Variants in C21orf91 observed in about 807,000 individuals in gnomAD.
C21orf91 encodes chromosome 21 open reading frame 91.
In C21orf91, 26 loss-of-function variants were observed where a neutral mutation model predicts 32.9. The ratio of observed to expected loss-of-function variants is 0.79; its 90% confidence interval spans 0.58 to 1.10. The LOEUF (loss-of-function observed/expected upper bound fraction) is 1.10. Among genes scored for constraint, C21orf91 ranks in the 50% least tolerant of loss-of-function variants. The pLI, the probability that C21orf91 is intolerant of heterozygous loss-of-function variation, is 0.00. For missense variants in C21orf91, 310 were observed against 341.3 expected, an observed-to-expected ratio of 0.91 and a Z score of 0.72; for synonymous variants, 126 against 120.4, an observed-to-expected ratio of 1.05 and a Z score of -0.31.
At chr21:17,801,412 A>G (rs1228597390) in intron 2 of C21orf91, among the ~76,000 whole-genome samples, 4 of 151,944 alleles carry the variant, frequency 2.6e-5, no homozygotes, top group Non-Finnish European at 4.4e-5. Context: ...CTGGGACTAC[A>G]GGTGCCCGCC....
chr21:17,815,571 T>TC (rs150818788), intron 2 of C21orf91, among the ~76,000 whole-genome samples: 4,528 of 152,222 alleles, frequency 0.03, 219 homozygotes, highest in African/African-American at 0.1. Context: ...ATGACTTTTT[T>TC]CCCCCACTGA....
At chr21:17,797,185 T>C in intron 2 of C21orf91, 67 bp from the exon 3 acceptor site, 3 of 1,005,144 alleles carry the variant, frequency 3.0e-6, no homozygotes, top group Non-Finnish European at 4.4e-6. Context: ...TTTAAGAACA[T>C]ACAAATCTTA....
chr21:17,818,222 A>ATTT lies in C21orf91; in HGVS notation c.96_97insAAA (p.Phe32_Cys33insLys), dbSNP rs2062677909. ...ATATTTAGCTCAAAACAAATGTGGC[A>ATTT]GAAGGAGAGTGTTTCTTTGTCTGTT... On this transcript the variant is annotated inframe_insertion, in exon 2 of 5. Transcript: ENST00000284881. The ATTT allele has an allele frequency of 6.2e-7, 1 of 1,610,574 alleles. No homozygotes were observed. Among genetic ancestry groups the ATTT allele is most frequent in the African/African-American group, 1.3e-5 (1 of 74,852 alleles).
At chr21:17,797,397 C>T (rs1217170313) in intron 2 of C21orf91, among the ~76,000 whole-genome samples, 2 of 151,940 alleles carry the variant, frequency 1.3e-5, no homozygotes, top group African/African-American at 4.8e-5. Flanking sequence ...TAAAAAAATA[C>T]TACTGAACCC....
At position 17,791,401 on chromosome 21, in the gene C21orf91, A is replaced by G. The variant is rs2062472937; in HGVS notation, c.*2014T>C. 1 of 152,148 alleles carries G rather than the reference A, an allele frequency of 6.6e-6. No individual in the cohort carries two copies. Among genetic ancestry groups the G allele is most frequent in the African/African-American group, 2.4e-5 (1 of 41,438 alleles). The allele number at this position is 152,148 out of a possible 1,614,324, so 9.4% of individuals were successfully genotyped here. On this transcript the variant is annotated 3_prime_UTR_variant, in exon 5 of 5. Coordinates refer to ENST00000284881, the MANE Select transcript of C21orf91 (RefSeq NM_001100420.2). The stretch of plus-strand genomic sequence containing the variant: ...TCCGTACTCATTAGCAAAGCTATGT[A>G]TATTTGTCAGAAAACTCCTTTCTTT...
At chr21:17,814,470 G>T (rs1295754345) in intron 2 of C21orf91, among the ~76,000 whole-genome samples, 2 of 152,110 alleles carry the variant, frequency 1.3e-5, no homozygotes, top group African/African-American at 4.8e-5. Context: ...CTGCTATAAA[G>T]AAATACCTGA....
chr21:17,801,301 C>T (rs112800733), intron 2 of C21orf91, among the ~76,000 whole-genome samples: 81 of 149,968 alleles, frequency 5.4e-4, no homozygotes, highest in African/African-American at 1.3e-3. Flanking sequence ...GACGGAGTCT[C>T]GCTCTGTCAC....
rs144337998 is a variant in C21orf91, at chr21:17,790,307, T to G, written c.*3108A>C. On this transcript the variant is annotated 3_prime_UTR_variant, in exon 5 of 5. Coordinates refer to ENST00000284881, the MANE Select transcript of C21orf91 (RefSeq NM_001100420.2). Reference sequence around the variant, plus strand: ...AACACAAATAGATCTAAAAGCTTACTTTAAAAAAACTACAAAAATGGACTA... The same window carrying G: ...AACACAAATAGATCTAAAAGCTTACGTTAAAAAAACTACAAAAATGGACTA... 7.9e-5 allele frequency: 12 copies of G among 152,132 alleles called. 1 individual carries two copies. In the East Asian group the frequency reaches 2.3e-3, roughly 29 times the overall value. 9.4% of individuals were successfully genotyped at this position (152,132 alleles called of 1,614,324 possible).
At chr21:17,818,130 A>C in intron 2 of C21orf91, 62 bp downstream of exon 2, 3 of 1,252,958 alleles carry the variant, frequency 2.4e-6, no homozygotes, top group East Asian at 4.9e-5. Flanking sequence ...TTACCTTACA[A>C]TCAGTACAAA....
intron 2 of C21orf91, among the ~76,000 whole-genome samples, chr21:17,812,064 AG>A (rs2062636224): frequency 2.0e-5 from 3 of 152,176 alleles, no homozygotes; most frequent in Admixed American, 2.0e-4. Flanking sequence ...TACCATCAAT[AG>A]GACAGGTATA....
intron 1 of C21orf91, 71 bp from the exon 2 acceptor site, chr21:17,818,396 G>A: frequency 7.9e-7 from 1 of 1,258,074 alleles, no homozygotes; most frequent in Non-Finnish European, 1.1e-6. Flanking sequence ...CCTTTACTGG[G>A]AACTTCTAGG....
At chr21:17,817,854 C>T (rs1027556862) in intron 2 of C21orf91, 12 of 176,764 alleles carry the variant, frequency 6.8e-5, no homozygotes, top group African/African-American at 2.8e-4. Flanking sequence ...TGTTATGTTA[C>T]TTCTTAATAT....
rs557471545 is a variant in C21orf91 at position 17,815,101 on chromosome 21, CCTTT to C, written c.127+3087_127+3090del. ...GATTGTCTTTTGTTATTTCTTCCTT[CCTTT>C]GTCTTCATTTTATAAACGTATGCAT... On this transcript the variant is annotated intron_variant, in intron 2 of 4. Transcript: ENST00000284881. Among the ~76,000 whole-genome samples, 1,010 of 152,234 alleles carry C rather than the reference CCTTT, an allele frequency of 6.6e-3. 8 individuals are homozygous for C. Among genetic ancestry groups the C allele is most frequent in the African/African-American group, 0.022 (928 of 41,530 alleles).
intron 2 of C21orf91, among the ~76,000 whole-genome samples, chr21:17,808,243 G>C (rs1341802026): frequency 1.3e-5 from 2 of 152,246 alleles, no homozygotes; most frequent in African/African-American, 4.8e-5. Context: ...TCAGGCCTCT[G>C]CTCCAGAGAG....
At chr21:17,798,818 T>C (rs1336977231) in intron 2 of C21orf91, among the ~76,000 whole-genome samples, 1 of 152,236 alleles carries the variant, frequency 6.6e-6, no homozygotes, top group Non-Finnish European at 1.5e-5. Flanking sequence ...GACAAAACAG[T>C]AGTTATCACA....
intron 2 of C21orf91, among the ~76,000 whole-genome samples, chr21:17,805,100 A>C (rs529735800): frequency 6.6e-5 from 10 of 152,350 alleles, no homozygotes; most frequent in Non-Finnish European, 8.8e-5. Flanking sequence ...GCTATGCAAT[A>C]AGGTAGCCAG....
intron 2 of C21orf91, chr21:17,810,863 A>C (rs964950191): frequency 2.2e-4 from 34 of 152,190 alleles, no homozygotes; most frequent in African/African-American, 8.2e-4. Flanking sequence ...TTGGCATATT[A>C]TTGTTTGTTT....
intron 3 of C21orf91, among the ~76,000 whole-genome samples, chr21:17,796,378 T>C (rs2062518074): frequency 6.6e-6 from 1 of 152,164 alleles, no homozygotes; most frequent in African/African-American, 2.4e-5. Flanking sequence ...AACATGGAAA[T>C]TGCTTAACTT....
rs772445287 is a variant in C21orf91, at chr21:17,793,453, G to T, written c.856C>A (p.Arg286=). The change falls in exon 5 of 5, where the codon CGA becomes AGA. Residue 286 remains arginine (R), a synonymous_variant. Coordinates refer to ENST00000284881, the MANE Select transcript of C21orf91 (RefSeq NM_001100420.2). ...CSKLPCLQVG[R]TGMKSHLPIN... Reference sequence around the variant, plus strand: ...GGTAGGTGCGACTTCATTCCTGTTCGCCCTACTTGCAGACATGGTAACTTA... The same window carrying T: ...GGTAGGTGCGACTTCATTCCTGTTCTCCCTACTTGCAGACATGGTAACTTA... 6.2e-7 allele frequency: 1 copy of T among 1,612,254 alleles called. No individual in the cohort carries two copies.
Sources: allele counts gnomAD v4.1 joint callset (sites outside exome capture counted in the v4.1 genomes callset), GRCh38; gene constraint gnomAD v4.1.1; transcripts MANE v1.5; gene names NCBI Gene and HGNC (gene_info 2026-07-23, HGNC 2026-07-21).